The following TLL2 variants were observed in gnomAD, a reference collection of about 807,000 sequenced individuals.
TLL2 encodes the protein tolloid like 2, also known as tolloid-like protein 2.
Under a neutral mutation model 123.0 loss-of-function variants are expected in TLL2, and 106 were observed. The observed-to-expected ratio is 0.86, with a 90% CI of 0.74 to 1.01. The LOEUF is 1.01. TLL2 is among the 50% of genes least tolerant of loss of function. The probability of loss-of-function intolerance (pLI) is 0.00; values close to 1 mark genes in which losing one functional copy is unlikely to be tolerated. For missense variants in TLL2, 1,332 were observed against 1,336.7 expected (o/e 1.00, Z 0.06); for synonymous variants, 494 against 516.8 (o/e 0.96, Z 0.60).
intron 2 of TLL2, among the ~76,000 whole-genome samples, chr10:96,455,702 C>T (rs988072011): frequency 2.6e-5 from 4 of 152,204 alleles, no homozygotes; most frequent in South Asian, 2.1e-4. Context: ...ATGAATAATC[C>T]ACCCCTTGTT....
intron 1 of TLL2, among the ~76,000 whole-genome samples, chr10:96,512,015 C>T (rs1438353182): frequency 6.6e-6 from 1 of 152,180 alleles, no homozygotes; most frequent in Non-Finnish European, 1.5e-5. Flanking sequence ...AGGCATGCTA[C>T]CTGCTGAGGT....
Position 96,397,216 on chromosome 10 carries a change from A to T in TLL2, c.1354T>A (p.Leu452Met). The T allele has an allele frequency of 6.2e-7, 1 of 1,613,848 alleles. No homozygotes were observed. Among genetic ancestry groups the T allele is most frequent in the Non-Finnish European group, 8.5e-7 (1 of 1,179,848 alleles). Residue 452 changes from leucine (L) to methionine (M), a missense_variant, in exon 11 of 21, where the codon TTG becomes ATG. Leu to Met is a conservative substitution (Grantham distance 15). Coordinates refer to ENST00000357947, the MANE Select transcript of TLL2 (RefSeq NM_012465.4). ...WVEFRSSSNI[L>M]GKGFFAAYEA... ...TACGCTGCAAAGAAGCCCTTGCCCA[A>T]GATGTTGCTGCTGCTGCGGAACTCC...
chr10:96,368,858 C>G (rs534921741), intron 20 of TLL2, among the ~76,000 whole-genome samples: 172 of 152,358 alleles, frequency 1.1e-3, no homozygotes, highest in African/African-American at 3.9e-3. Flanking sequence ...GGGCTTCCCC[C>G]ACAGTTAACT....
chr10:96,418,933 G>A (rs1409360226), intron 7 of TLL2, among the ~76,000 whole-genome samples: 1 of 151,796 alleles, frequency 6.6e-6, no homozygotes, highest in Non-Finnish European at 1.5e-5. Flanking sequence ...CAAGGAAAAA[G>A]CTTCTCCCTT....
chr10:96,382,140 T>G (rs1846191220), intron 16 of TLL2, among the ~76,000 whole-genome samples: 1 of 152,170 alleles, frequency 6.6e-6, no homozygotes, highest in Non-Finnish European at 1.5e-5. Context: ...CAAGCGATTC[T>G]CCTGCCTCAG....
intron 2 of TLL2, among the ~76,000 whole-genome samples, chr10:96,450,137 G>A (rs1846942286): frequency 6.6e-6 from 1 of 151,908 alleles, no homozygotes; most frequent in South Asian, 2.1e-4. Context: ...ATGGATGGAT[G>A]GGTAGGTGGG....
chr10:96,497,422 C>G (rs1267800694), intron 1 of TLL2, among the ~76,000 whole-genome samples: 1 of 152,226 alleles, frequency 6.6e-6, no homozygotes, highest in South Asian at 2.1e-4. Context: ...ACCCTCTCCA[C>G]TCTGCTCTGT....
At chr10:96,397,376 G>A (rs1380498305) in intron 10 of TLL2, 74 bp from the exon 11 acceptor site, 2 of 1,212,754 alleles carry the variant, frequency 1.6e-6, no homozygotes, top group African/African-American at 3.1e-5. Flanking sequence ...CTAGGAGGAA[G>A]CTGAGGTTCT....
chr10:96,390,042 G>T (rs115302076), intron 13 of TLL2, among the ~76,000 whole-genome samples: 3 of 152,388 alleles, frequency 2.0e-5, no homozygotes, highest in South Asian at 4.1e-4. Flanking sequence ...AGAGGCCAAG[G>T]CCAAGGCCAA....
chr10:96,472,772 A>T (rs560236756), intron 2 of TLL2, among the ~76,000 whole-genome samples: 1 of 152,064 alleles, frequency 6.6e-6, no homozygotes, highest in African/African-American at 2.4e-5. Flanking sequence ...AAAAAGAAAA[A>T]AAAGCTTCAA....
chr10:96,374,198 G>C, intron 18 of TLL2: 1 of 220,244 alleles, frequency 4.5e-6, no homozygotes, highest in South Asian at 8.1e-5. Flanking sequence ...AGGGCTAAGA[G>C]CCAGCAAGGG....
Position 96,513,722 on chromosome 10 carries a change from T to C in TLL2, c.-37A>G, listed in dbSNP as rs759874780. On this transcript the variant is annotated 5_prime_UTR_variant, in exon 1 of 21. Coordinates refer to ENST00000357947, the MANE Select transcript of TLL2 (RefSeq NM_012465.4). ...GCCGGCTGGGGCAGAGGGAGTTGCG[T>C]GCACGAAAGCTCAGCTCGGCCGAAA... 2.1e-6 allele frequency: 3 copies of C among 1,458,324 alleles called. No individual in the cohort carries two copies. Among genetic ancestry groups the C allele is most frequent in the South Asian group, 1.4e-5 (1 of 72,974 alleles). The allele number at this position is 1,458,324 out of a possible 1,614,324, so 90.3% of individuals were successfully genotyped here.
intron 7 of TLL2, among the ~76,000 whole-genome samples, chr10:96,416,395 C>T (rs1846561840): frequency 6.6e-6 from 1 of 151,100 alleles, no homozygotes; most frequent in Non-Finnish European, 1.5e-5. Context: ...GGGCACTTTC[C>T]TTGCACCAAC....
At chr10:96,391,543 T>C (rs1039109769) in intron 13 of TLL2, among the ~76,000 whole-genome samples, 9 of 152,174 alleles carry the variant, frequency 5.9e-5, no homozygotes, top group African/African-American at 2.2e-4. Flanking sequence ...ACAGAGCGGA[T>C]TGTGGAATCC....
intron 3 of TLL2, 114 bp from the exon 4 acceptor site, chr10:96,433,076 G>A (rs750962601): frequency 6.1e-5 from 86 of 1,403,534 alleles, no homozygotes; most frequent in Non-Finnish European, 7.8e-5. Flanking sequence ...TGTTCCAAAG[G>A]GGCTATTTCA....
At chr10:96,493,968 C>T (rs1047643587) in intron 1 of TLL2, among the ~76,000 whole-genome samples, 2 of 152,184 alleles carry the variant, frequency 1.3e-5, no homozygotes, top group African/African-American at 4.8e-5. Context: ...TGAACTCAGA[C>T]CTTTTGGCTC....
chr10:96,415,865 T>A (rs1048439779), intron 7 of TLL2, among the ~76,000 whole-genome samples: 7 of 148,712 alleles, frequency 4.7e-5, no homozygotes, highest in South Asian at 2.2e-4. Flanking sequence ...TTTGTTATCT[T>A]TTTGTTTTTG....
intron 1 of TLL2, among the ~76,000 whole-genome samples, chr10:96,506,266 G>GA (rs386372173): frequency 7.5e-5 from 7 of 92,734 alleles, no homozygotes; most frequent in South Asian, 3.4e-4. Flanking sequence ...AAAAAAAAAA[G>GA]AAAAAAAAAA....
At chr10:96,482,175 G>A (rs957289461) in intron 1 of TLL2, among the ~76,000 whole-genome samples, 5 of 151,762 alleles carry the variant, frequency 3.3e-5, no homozygotes, top group South Asian at 4.1e-4. Flanking sequence ...GGAGAATGGC[G>A]TGAACCCGGG....
Sources: allele counts gnomAD v4.1 joint callset (sites outside exome capture counted in the v4.1 genomes callset), GRCh38; gene constraint gnomAD v4.1.1; transcripts MANE v1.5; gene names NCBI Gene and HGNC (gene_info 2026-07-23, HGNC 2026-07-21).